The following ZNF705G variants were observed in gnomAD, a reference collection of about 807,000 sequenced individuals.
ZNF705G encodes the protein putative zinc finger protein 705G.
A neutral mutation model predicts 19.6 loss-of-function variants in ZNF705G; 23 were observed. The ratio of observed to expected loss-of-function variants is 1.17; its 90% CI spans 0.84 to 1.66. ZNF705G has a LOEUF of 1.66. Among genes scored for constraint, ZNF705G ranks in the 40% most tolerant of loss-of-function variants. The pLI is 0.00. For missense variants in ZNF705G, 457 were observed against 354.4 expected (o/e 1.29, Z -2.32); for synonymous variants, 146 against 117.7 (o/e 1.24, Z -1.56).
At chr8:7,360,354 G>A in intron 4 of ZNF705G, 22 bp from the exon 5 acceptor site, 2 of 1,587,322 alleles carry the variant, frequency 1.3e-6, no homozygotes, top group East Asian at 4.5e-5. Flanking sequence ...AAGAATACAT[G>A]TGTTTTGAGT....
intron 3 of ZNF705G, among the ~76,000 whole-genome samples, chr8:7,362,554 A>G (rs1456463166): frequency 3.3e-5 from 5 of 149,702 alleles, no homozygotes; most frequent in African/African-American, 1.3e-4. Flanking sequence ...AGTATAGTTA[A>G]TGGGTCAATT....
intron 2 of ZNF705G, among the ~76,000 whole-genome samples, chr8:7,365,517 G>T (rs1806816313): frequency 6.7e-6 from 1 of 148,724 alleles, no homozygotes; most frequent in Non-Finnish European, 1.5e-5. Context: ...TAGCTGGGAT[G>T]ACAGGCTTGC....
intron 2 of ZNF705G, among the ~76,000 whole-genome samples, chr8:7,370,130 G>C (rs1362489220): frequency 6.8e-6 from 1 of 147,960 alleles, no homozygotes; most frequent in Non-Finnish European, 1.5e-5. Flanking sequence ...AATTAGCTGG[G>C]CATGGTGCCG....
At position 7,358,466 on chromosome 8, in the gene ZNF705G, T is replaced by A. The variant is rs185614143; in HGVS notation, c.413A>T (p.His138Leu). 2 of 1,607,104 alleles carry A rather than the reference T, an allele frequency of 1.2e-6. No homozygotes were observed. Among genetic ancestry groups the A allele is most frequent in the African/African-American group, 1.4e-5 (1 of 71,382 alleles). The change falls in exon 7 of 7, where the codon CAT (histidine) becomes CTT (leucine). Residue 138 changes from histidine (H) to leucine (L), a missense_variant. Physicochemically the swap from His to Leu is moderately conservative, Grantham distance 99. Coordinates refer to ENST00000400156, the MANE Select transcript of ZNF705G (RefSeq NM_001164457.3). ...GCTGACATAGGGTTTCTTTCCACTATGAGTTAACAAACACTGAGTTATTGT... is the reference window on the plus strand; with the variant it reads ...GCTGACATAGGGTTTCTTTCCACTAAGAGTTAACAAACACTGAGTTATTGT... ...SSTITQCLLT[H>L]SGKKPYVSKQ...
rs773464854 is a variant in ZNF705G at position 7,357,808 on chromosome 8, G to A, written c.*168C>T. On this transcript the variant is annotated 3_prime_UTR_variant, in exon 7 of 7. Coordinates refer to ENST00000400156, the MANE Select transcript of ZNF705G (RefSeq NM_001164457.3). ...AGTCTCTTCCACATTCCTTACCTTT[G>A]TCATTCCTAACACCGTGTCATCTAA... is the stretch of plus-strand genomic sequence containing the variant. 1.3e-4 allele frequency: 141 copies of A among 1,068,496 alleles called. 2 individuals are homozygous for A. The highest frequency in any genetic ancestry group is 4.0e-4 in the Admixed American group (14 of 34,664). 66.2% of individuals were successfully genotyped at this position (1,068,496 alleles called of 1,614,324 possible).
chr8:7,359,958 G>C (rs1178502538), intron 5 of ZNF705G, among the ~76,000 whole-genome samples: 2 of 149,198 alleles, frequency 1.3e-5, no homozygotes, highest in Non-Finnish European at 2.9e-5. Context: ...TCTTCACAGG[G>C]GTATCAGGAA....
chr8:7,370,874 T>C (rs1408045407), intron 2 of ZNF705G, among the ~76,000 whole-genome samples: 6 of 114,580 alleles, frequency 5.2e-5, no homozygotes, highest in Non-Finnish European at 8.8e-5. Flanking sequence ...CATGGAATAC[T>C]ATGCAGCCAT....
Position 7,356,180 on chromosome 8 carries a change from GA to G in ZNF705G, c.*1795del. ...TGTGAGAACTTTCATTTTGCTTCAG[GA>G]AAAGTACATTGAATCAAATATAGGA... On this transcript the variant is annotated 3_prime_UTR_variant, in exon 7 of 7. Coordinates refer to ENST00000400156, the MANE Select transcript of ZNF705G (RefSeq NM_001164457.3). 6.7e-6 allele frequency: 1 copy of G among 149,482 alleles called. No homozygotes were observed. The highest frequency in any genetic ancestry group is 1.5e-5 in the Non-Finnish European group (1 of 68,078). 9.3% of individuals were successfully genotyped at this position (149,482 alleles called of 1,614,324 possible).
chr8:7,379,248 A>G (rs1357328198), intron 2 of ZNF705G, among the ~76,000 whole-genome samples: 1 of 147,552 alleles, frequency 6.8e-6, no homozygotes, highest in Non-Finnish European at 1.5e-5. Flanking sequence ...AATCTCGGAG[A>G]TTGAGATATA....
intron 6 of ZNF705G, among the ~76,000 whole-genome samples, chr8:7,358,947 C>T (rs1806433549): frequency 6.7e-6 from 1 of 149,564 alleles, no homozygotes; most frequent in South Asian, 2.1e-4. Context: ...GGCACAAATG[C>T]ATATTGATTG....
At chr8:7,361,044 T>A in intron 4 of ZNF705G, 66 bp downstream of exon 4, 1 of 1,591,796 alleles carries the variant, frequency 6.3e-7, no homozygotes, top group Non-Finnish European at 8.5e-7. Context: ...GGAAGCTGTT[T>A]TAACACTTAT....
rs1196880992 is a variant in ZNF705G, at chr8:7,357,317, T to C, written c.*659A>G. 3 of 152,960 alleles carry C rather than the reference T, an allele frequency of 2.0e-5. No homozygotes were observed. The highest frequency in any genetic ancestry group is 4.3e-5 in the Non-Finnish European group (3 of 69,596). The allele number at this position is 152,960 out of a possible 1,614,324, so 9.5% of individuals were successfully genotyped here. ...AGATTTTCCCTTCTTATTTAGCTCA[T>C]GAAGGCTTTCCTCTCTTATTTTCCA... On this transcript the variant is annotated 3_prime_UTR_variant, in exon 7 of 7. Coordinates refer to ENST00000400156, the MANE Select transcript of ZNF705G (RefSeq NM_001164457.3).
At chr8:7,362,797 G>C in intron 3 of ZNF705G, 138 bp downstream of exon 3, 1 of 1,573,826 alleles carries the variant, frequency 6.4e-7, no homozygotes, top group Non-Finnish European at 8.5e-7. Flanking sequence ...GGAACACCCA[G>C]GCAGGGTGGA....
chr8:7,362,997 C>T lies in ZNF705G; in HGVS notation c.-51G>A, dbSNP rs1806678712. On this transcript the variant is annotated 5_prime_UTR_variant, in exon 3 of 7. Transcript: ENST00000400156. ...CTTCCTCTGGATTTCCACTTGCAGA[C>T]ACTTTAGGCACTAAGAAAAGCTGAG... 1 of 1,579,628 alleles carries T rather than the reference C, an allele frequency of 6.3e-7. No individual in the cohort carries two copies. Among genetic ancestry groups the T allele is most frequent in the Admixed American group, 1.7e-5 (1 of 59,816 alleles).
chr8:7,370,566 C>T (rs533003836), intron 2 of ZNF705G, among the ~76,000 whole-genome samples: 1 of 145,996 alleles, frequency 6.8e-6, no homozygotes, highest in Admixed American at 6.7e-5. Flanking sequence ...AATAAAACTA[C>T]CTGCTGATGA....
At chr8:7,383,725 T>G (rs1182209115) in intron 1 of ZNF705G, among the ~76,000 whole-genome samples, 4 of 149,460 alleles carry the variant, frequency 2.7e-5, no homozygotes, top group Admixed American at 2.6e-4. Context: ...AAAAGAGGCC[T>G]GAAGGAGCTC....
rs3989712 is a variant in ZNF705G, at chr8:7,369,860, A to G, written c.-71-6843T>C. ...TTGGTTACACATGGACGTAAAGATC[A>G]GAACAACAGATACTGGGAACTACTA... On this transcript the variant is annotated intron_variant, in intron 2 of 6. Transcript: ENST00000400156. Among the ~76,000 whole-genome samples the G allele has an allele frequency of 1.7e-3, 259 of 148,610 alleles. 16 individuals carry two copies. The highest frequency in any genetic ancestry group is 3.8e-3 in the South Asian group (18 of 4,748).
At position 7,379,386 on chromosome 8, in the gene ZNF705G, T is replaced by A. The variant is rs1216672508; in HGVS notation, c.-72+2066A>T. On this transcript the variant is annotated intron_variant, in intron 2 of 6. Transcript: ENST00000400156. ...TTTATTTCTTAGAAAAGAAGCAGTT[T>A]GGACACGTATATTAAAGCCGTCACA... Among the ~76,000 whole-genome samples the A allele has an allele frequency of 1.4e-5, 2 of 147,324 alleles. 1 individual carries two copies. The highest frequency in any genetic ancestry group is 2.9e-5 in the Non-Finnish European group (2 of 67,998).
Position 7,357,910 on chromosome 8 carries a change from T to G in ZNF705G, c.*66A>C. 1 of 1,598,138 alleles carries G rather than the reference T, an allele frequency of 6.3e-7. No individual in the cohort carries two copies. On this transcript the variant is annotated 3_prime_UTR_variant, in exon 7 of 7. Transcript: ENST00000400156. ...TCTGATGCTCTTTAAGATTAGTACA[T>G]TGTCTGAAGGCTTTCCCACATAAAT... is the stretch of plus-strand genomic sequence containing the variant.
Sources: allele counts gnomAD v4.1 joint callset (sites outside exome capture counted in the v4.1 genomes callset), GRCh38; gene constraint gnomAD v4.1.1; transcripts MANE v1.5; gene names NCBI Gene and HGNC (gene_info 2026-07-23, HGNC 2026-07-21).